PIK3R6: variants seen among roughly 807,000 people sequenced by gnomAD.
The protein encoded by PIK3R6 is phosphoinositide-3-kinase regulatory subunit 6, also known as phosphoinositide 3-kinase regulatory subunit 6.
Under a neutral mutation model 84.9 loss-of-function variants are expected in PIK3R6, and 91 were observed. That is an observed-to-expected ratio of 1.07 (90% CI 0.90 to 1.28). The LOEUF (loss-of-function observed/expected upper bound fraction) is 1.28. Among genes scored for constraint, PIK3R6 ranks in the 50% most tolerant of loss-of-function variants. The pLI, the probability that PIK3R6 is intolerant of heterozygous loss-of-function variation, is 0.00. For synonymous variants in PIK3R6, 416 were observed against 411.4 expected (o/e 1.01, Z -0.13); for missense variants, 996 against 985.1 (o/e 1.01, Z -0.15).
chr17:8,860,310 G>T (rs2089245105), intron 1 of PIK3R6, among the ~76,000 whole-genome samples: 2 of 152,018 alleles, frequency 1.3e-5, no homozygotes, highest in Non-Finnish European at 2.9e-5. Flanking sequence ...GTGGGCATAA[G>T]ATTCTCATAG....
intron 8 of PIK3R6, 43 bp from the exon 9 acceptor site, chr17:8,833,088 C>T (rs2088319052): frequency 6.7e-7 from 1 of 1,503,676 alleles, no homozygotes; most frequent in East Asian, 2.5e-5. Flanking sequence ...GGCCCAGCGC[C>T]CACGCACCCC....
chr17:8,865,004 A>G (rs773795514), intron 1 of PIK3R6, among the ~76,000 whole-genome samples: 9 of 152,174 alleles, frequency 5.9e-5, no homozygotes, highest in Non-Finnish European at 1.3e-4. Context: ...CAACAAGCCC[A>G]AGGACTGACC....
chr17:8,831,497 G>A (rs1003188598), intron 9 of PIK3R6, among the ~76,000 whole-genome samples: 2 of 152,108 alleles, frequency 1.3e-5, no homozygotes, highest in Non-Finnish European at 2.9e-5. Flanking sequence ...TTGGCCCCAG[G>A]GTTAGTCCCA....
intron 7 of PIK3R6, among the ~76,000 whole-genome samples, chr17:8,836,051 C>A (rs1031990693): frequency 2.6e-5 from 4 of 152,190 alleles, no homozygotes; most frequent in Admixed American, 6.5e-5. Flanking sequence ...CCGCTCCCAA[C>A]TTCATCACCC....
chr17:8,846,579 C>T (rs1031478914), intron 2 of PIK3R6, among the ~76,000 whole-genome samples: 1 of 152,108 alleles, frequency 6.6e-6, no homozygotes, highest in Admixed American at 6.5e-5. Flanking sequence ...AATATTGATT[C>T]TTCCAATCCG....
chr17:8,827,092 T>G, intron 13 of PIK3R6, 80 bp downstream of exon 13: 1 of 1,503,876 alleles, frequency 6.6e-7, no homozygotes, highest in Non-Finnish European at 9.0e-7. Flanking sequence ...CGCTGCCTAC[T>G]TGGGCTCCTC....
chr17:8,837,020 G>T, intron 5 of PIK3R6, 97 bp from the exon 6 acceptor site: 1 of 947,046 alleles, frequency 1.1e-6, no homozygotes, highest in South Asian at 1.5e-5. Flanking sequence ...CCGGGGAGGG[G>T]CTTGGGAGAA....
At chr17:8,838,410 C>A in intron 4 of PIK3R6, 154 bp downstream of exon 4, 1 of 608,370 alleles carries the variant, frequency 1.6e-6, no homozygotes, top group Non-Finnish European at 2.9e-6. Flanking sequence ...GAAAATACTG[C>A]TTACGTAAAA....
At chr17:8,824,205 G>T (rs2087845121) in intron 13 of PIK3R6, among the ~76,000 whole-genome samples, 2 of 152,218 alleles carry the variant, frequency 1.3e-5, no homozygotes. Flanking sequence ...GGAGGCGGAG[G>T]TTGCAGTGAG....
rs745630884 is a variant in PIK3R6, at chr17:8,833,046, C to T, written c.646-1G>A. ...GCTCCAGGGTGCGGCGAGGGCTGGC[C>T]TGTTGGGGAGGGGCGTCAGAGCCTG... On this transcript the variant is annotated splice_acceptor_variant, in intron 8 of 19. Coordinates refer to ENST00000619866, the MANE Select transcript of PIK3R6 (RefSeq NM_001010855.4). LOFTEE classifies it high-confidence loss of function. 1.1e-5 allele frequency: 17 copies of T among 1,581,938 alleles called. No individual in the cohort carries two copies. The highest frequency in any genetic ancestry group is 1.5e-5 in the Non-Finnish European group (17 of 1,167,204).
chr17:8,828,242 A>C, intron 11 of PIK3R6, 52 bp from the exon 12 acceptor site: 1 of 1,555,048 alleles, frequency 6.4e-7, no homozygotes, highest in Non-Finnish European at 8.9e-7. Context: ...TTGGCTTCAA[A>C]CAGACTCGGC....
chr17:8,837,011 C>G (rs746522850), intron 5 of PIK3R6, 88 bp from the exon 6 acceptor site: 2 of 953,770 alleles, frequency 2.1e-6, no homozygotes, highest in South Asian at 1.5e-5. Flanking sequence ...GGGGAGTTTC[C>G]GGGGAGGGGC....
chr17:8,829,879 G>T, intron 9 of PIK3R6, 87 bp from the exon 10 acceptor site: 3 of 1,081,068 alleles, frequency 2.8e-6, no homozygotes, highest in Non-Finnish European at 4.0e-6. Context: ...TCCTGTGCGG[G>T]GTCTTAGAGA....
intron 1 of PIK3R6, among the ~76,000 whole-genome samples, 197 bp downstream of exon 1, chr17:8,867,332 T>A (rs1032719582): frequency 3.3e-5 from 5 of 152,126 alleles, no homozygotes; most frequent in South Asian, 2.1e-4. Flanking sequence ...CAATCTTAAC[T>A]TGGCAGAATT....
chr17:8,849,052 G>T (rs768260853), intron 2 of PIK3R6, among the ~76,000 whole-genome samples: 1 of 152,030 alleles, frequency 6.6e-6, no homozygotes, highest in African/African-American at 2.4e-5. Flanking sequence ...ATCTTTCCCT[G>T]TTGTCCCAAG....
rs781638550 is a variant in PIK3R6, at chr17:8,823,021, C to A, written c.1692G>T (p.Lys564Asn). ...EDIFLIELKVKIQDSKFPKDG... is the reference protein window; with the variant it reads ...EDIFLIELKVNIQDSKFPKDG... ...CTTTGGGGAATTTAGAATCTTGGATCTTCACCTTCAGTTCAATGAGGAAAA... is the reference window on the plus strand; with the variant it reads ...CTTTGGGGAATTTAGAATCTTGGATATTCACCTTCAGTTCAATGAGGAAAA... The change falls in exon 15 of 20, where the codon AAG becomes AAT. Residue 564 changes from lysine (K) to asparagine (N), a missense_variant. By Grantham distance (94) the Lys-to-Asn change is moderately conservative. Coordinates refer to ENST00000619866, the MANE Select transcript of PIK3R6 (RefSeq NM_001010855.4). 2 of 1,610,044 alleles carry A rather than the reference C, an allele frequency of 1.2e-6. No individual in the cohort carries two copies.
intron 18 of PIK3R6, 52 bp from the exon 19 acceptor site, chr17:8,804,205 C>T: frequency 1.4e-6 from 2 of 1,463,130 alleles, no homozygotes; most frequent in South Asian, 1.2e-5. Flanking sequence ...GACAGGTGGC[C>T]CTGCCAACAT....
chr17:8,829,363 CACAT>C (rs796963302), intron 10 of PIK3R6, among the ~76,000 whole-genome samples: 139 of 139,806 alleles, frequency 9.9e-4, no homozygotes, highest in African/African-American at 3.0e-3. Context: ...CTGACACACA[CACAT>C]GCATGGATAC....
chr17:8,860,558 C>T (rs759038650), intron 1 of PIK3R6, among the ~76,000 whole-genome samples: 4 of 151,458 alleles, frequency 2.6e-5, no homozygotes, highest in Non-Finnish European at 4.4e-5. Context: ...TTGGGGACCA[C>T]TGCTCTGGCC....
Sources: gnomAD v4.1 joint callset for allele counts (sites outside exome capture counted in the v4.1 genomes callset) on GRCh38, gnomAD v4.1.1 for gene constraint, MANE v1.5 for transcripts, NCBI Gene and HGNC (gene_info 2026-07-23, HGNC 2026-07-21) for gene names.